LY96: variants seen among roughly 807,000 people sequenced by gnomAD.
LY96 encodes myeloid differentiation protein-2.
In LY96, 18 loss-of-function variants were observed where a neutral mutation model predicts 18.9. The ratio of observed to expected loss-of-function variants is 0.95; its 90% confidence interval spans 0.66 to 1.41. LY96 has a LOEUF of 1.41. LY96 is among the 40% of genes most tolerant of loss of function. The probability of loss-of-function intolerance (pLI) is 0.00; values close to 1 mark genes in which losing one functional copy is unlikely to be tolerated. For missense variants in LY96, 175 were observed against 182.4 expected (o/e 0.96, Z 0.23); for synonymous variants, 66 against 62.6 (o/e 1.06, Z -0.26).
chr8:74,036,314 A>C, the LY96 span, among the ~76,000 whole-genome samples: 1 of 152,180 alleles, frequency 6.6e-6, no homozygotes, highest in African/African-American at 2.4e-5. Context: ...AGTTTCTGTA[A>C]TCCCTTACTA....
the LY96 span, among the ~76,000 whole-genome samples, chr8:74,079,796 C>T: frequency 3.2e-4 from 49 of 152,126 alleles, no homozygotes; most frequent in African/African-American, 9.9e-4. Context: ...GAGATCCACC[C>T]GCTTTGGCTT....
chr8:73,999,035 A>G (rs981718462), intron 1 of LY96, among the ~76,000 whole-genome samples: 3 of 151,222 alleles, frequency 2.0e-5, no homozygotes, highest in Admixed American at 2.0e-4. Flanking sequence ...CAGTGGCATG[A>G]TCTCAGCTCA....
At chr8:74,043,905 C>A in the LY96 span, among the ~76,000 whole-genome samples, 1 of 152,190 alleles carries the variant, frequency 6.6e-6, no homozygotes, top group South Asian at 2.1e-4. Flanking sequence ...GCCACCATGG[C>A]TCACTGCAGC....
the LY96 span, among the ~76,000 whole-genome samples, chr8:74,067,605 G>C: frequency 2.6e-5 from 4 of 152,110 alleles, no homozygotes; most frequent in East Asian, 7.7e-4. Context: ...GACTAGAGAG[G>C]ACCACCCCAA....
chr8:74,066,173 G>A, the LY96 span, among the ~76,000 whole-genome samples: 4 of 151,972 alleles, frequency 2.6e-5, no homozygotes, highest in African/African-American at 4.8e-5. Context: ...ACTCACTCTC[G>A]GTTTCATAGA....
intron 2 of LY96, among the ~76,000 whole-genome samples, chr8:74,008,077 A>G (rs1453582633): frequency 1.3e-5 from 2 of 151,864 alleles, no homozygotes; most frequent in Non-Finnish European, 2.9e-5. Flanking sequence ...CTTGTCTCTC[A>G]CTCCAACACC....
chr8:74,088,877 T>G, the LY96 span, among the ~76,000 whole-genome samples: 1 of 152,216 alleles, frequency 6.6e-6, no homozygotes, highest in Non-Finnish European at 1.5e-5. Context: ...TGAACCACTG[T>G]GCCTGACCTC....
chr8:74,069,688 C>T, the LY96 span, among the ~76,000 whole-genome samples: 35 of 152,172 alleles, frequency 2.3e-4, no homozygotes, highest in South Asian at 3.5e-3. Flanking sequence ...CTGCAAACTC[C>T]GCCTCCTGGA....
chr8:74,013,889 C>T (rs576976032), intron 3 of LY96, among the ~76,000 whole-genome samples: 1 of 151,984 alleles, frequency 6.6e-6, no homozygotes, highest in African/African-American at 2.4e-5. Flanking sequence ...TGGCCGGTAT[C>T]CTATAGTCAG....
the LY96 span, among the ~76,000 whole-genome samples, chr8:74,089,644 C>T: frequency 1.3e-5 from 2 of 151,826 alleles, no homozygotes; most frequent in Non-Finnish European, 2.9e-5. Flanking sequence ...AAACAAAGTC[C>T]CTGCCCTCAT....
intron 3 of LY96, among the ~76,000 whole-genome samples, chr8:74,017,958 T>A (rs1034229096): frequency 1.3e-5 from 2 of 152,208 alleles, no homozygotes; most frequent in Non-Finnish European, 2.9e-5. Context: ...TGCCAAATTG[T>A]AGCGACTATT....
chr8:74,054,414 G>C, the LY96 span, among the ~76,000 whole-genome samples: 1 of 152,188 alleles, frequency 6.6e-6, no homozygotes, highest in Non-Finnish European at 1.5e-5. Flanking sequence ...TCTTATGCAA[G>C]TGGTAGGGCA....
At chr8:73,996,954 A>G (rs1411910644) in intron 1 of LY96, among the ~76,000 whole-genome samples, 1 of 152,146 alleles carries the variant, frequency 6.6e-6, no homozygotes, top group Non-Finnish European at 1.5e-5. Flanking sequence ...CATGTTGGTC[A>G]GGCTGGTCTC....
At chr8:74,047,531 T>C in the LY96 span, among the ~76,000 whole-genome samples, 1 of 152,322 alleles carries the variant, frequency 6.6e-6, no homozygotes, top group African/African-American at 2.4e-5. Flanking sequence ...CCCAGTAATA[T>C]AATCCTTGTG....
chr8:74,071,285 A>G, the LY96 span, among the ~76,000 whole-genome samples: 3 of 151,600 alleles, frequency 2.0e-5, no homozygotes, highest in Non-Finnish European at 4.4e-5. Flanking sequence ...CTTTTGAAAT[A>G]TGAAGAAACA....
At chr8:73,993,896 A>T (rs1816065694) in intron 1 of LY96, among the ~76,000 whole-genome samples, 2 of 152,162 alleles carry the variant, frequency 1.3e-5, no homozygotes, top group African/African-American at 4.8e-5. Flanking sequence ...TCACATTTTA[A>T]TCATTTTTGA....
intron 1 of LY96, among the ~76,000 whole-genome samples, chr8:73,997,549 C>A (rs1325923790): frequency 6.6e-6 from 1 of 152,086 alleles, no homozygotes; most frequent in Non-Finnish European, 1.5e-5. Flanking sequence ...AACTTTATAC[C>A]AAGACCTCCA....
the LY96 span, among the ~76,000 whole-genome samples, chr8:74,086,222 A>G: frequency 6.6e-6 from 1 of 152,132 alleles, no homozygotes; most frequent in African/African-American, 2.4e-5. Flanking sequence ...TTTCTACCTA[A>G]CATAGCCACT....
intron 4 of LY96, 99 bp downstream of exon 4, chr8:74,026,940 C>CT (rs1171259241): frequency 0.028 from 14,421 of 517,484 alleles, 35 homozygotes; most frequent in African/African-American, 0.047. Context: ...CTTTTTCTTT[C>CT]TTTTTTTTTT....
Sources: allele counts gnomAD v4.1 joint callset (sites outside exome capture counted in the v4.1 genomes callset), GRCh38; gene constraint gnomAD v4.1.1; transcripts MANE v1.5; gene names NCBI Gene and HGNC (gene_info 2026-07-23, HGNC 2026-07-21).